The following RPS19 variants were observed in gnomAD, a reference collection of about 807,000 sequenced individuals.
RPS19 encodes the protein ribosomal protein S19.
RPS19 carries 1 observed loss-of-function variant against 20.3 expected under a neutral mutation model. That is an observed-to-expected ratio of 0.05 (90% CI 0.02 to 0.23). The LOEUF is 0.23. Among genes scored for constraint, RPS19 ranks in the 10% least tolerant of loss-of-function variants. The probability of loss-of-function intolerance (pLI) is 1.00; values close to 1 mark genes in which losing one functional copy is unlikely to be tolerated. For missense variants in RPS19, 111 were observed against 192.7 expected (o/e 0.58, Z 2.51); for synonymous variants, 87 against 74.8 (o/e 1.16, Z -0.84).
At chr19:41,860,515 C>T in intron 1 of RPS19, 1 of 528,866 alleles carries the variant, frequency 1.9e-6, no homozygotes, top group Non-Finnish European at 3.4e-6. Flanking sequence ...CGTCCGGAGT[C>T]CCGGGGCTGG....
At chr19:41,867,464 C>T (rs2074102537) in intron 3 of RPS19, among the ~76,000 whole-genome samples, 1 of 151,994 alleles carries the variant, frequency 6.6e-6, no homozygotes, top group African/African-American at 2.4e-5. Context: ...GGTGTGCCAC[C>T]ACACCTGGCT....
At chr19:41,861,075 T>C (rs1399682652) in intron 2 of RPS19, 37 bp from the exon 3 acceptor site, 2 of 1,520,306 alleles carry the variant, frequency 1.3e-6, no homozygotes, top group Non-Finnish European at 9.1e-7. Context: ...TTTGTGGAGA[T>C]GACTGAATCG....
At position 41,871,780 on chromosome 19, in the gene RPS19, T is replaced by C. The variant is rs941699346; in HGVS notation, c.*403T>C. ...GGCTCACTCCCCCACATCCTGTCTT[T>C]GCAATTGTCAGAAAGTGAGAAACGA... is the stretch of plus-strand genomic sequence containing the variant. On this transcript the variant is annotated 3_prime_UTR_variant, in exon 6 of 6. Coordinates refer to ENST00000598742, the MANE Select transcript of RPS19 (RefSeq NM_001022.4). The C allele has an allele frequency of 2.5e-5, 6 of 235,578 alleles. No individual in the cohort carries two copies. The highest frequency in any genetic ancestry group is 5.1e-5 in the Non-Finnish European group (6 of 117,066). 14.6% of individuals were successfully genotyped at this position (235,578 alleles called of 1,614,324 possible).
intron 5 of RPS19, among the ~76,000 whole-genome samples, chr19:41,870,810 C>T (rs2074138942): frequency 7.1e-6 from 1 of 140,772 alleles, no homozygotes; most frequent in Admixed American, 7.4e-5. Context: ...TCTCACATGG[C>T]AGTGGGCGGA....
At chr19:41,868,744 A>C (rs113279104) in intron 3 of RPS19, among the ~76,000 whole-genome samples, 1 of 152,246 alleles carries the variant, frequency 6.6e-6, no homozygotes, top group South Asian at 2.1e-4. Flanking sequence ...CTCCACCCCT[A>C]CATAACCTCA....
intron 4 of RPS19, 84 bp downstream of exon 4, chr19:41,869,298 T>C: frequency 7.7e-7 from 1 of 1,302,740 alleles, no homozygotes; most frequent in Admixed American, 2.0e-5. Flanking sequence ...CTGCATAGTC[T>C]GCCCAGCCCC....
At chr19:41,867,163 C>T (rs1411143848) in intron 3 of RPS19, among the ~76,000 whole-genome samples, 3 of 151,108 alleles carry the variant, frequency 2.0e-5, no homozygotes, top group Non-Finnish European at 4.4e-5. Context: ...ATTATCTGGG[C>T]GTGGTGGCTT....
intron 3 of RPS19, among the ~76,000 whole-genome samples, chr19:41,866,800 A>G (rs998315596): frequency 2.6e-4 from 39 of 148,588 alleles, no homozygotes; most frequent in African/African-American, 9.8e-4. Flanking sequence ...GTGGATTACG[A>G]GGTCAGGAGA....
At chr19:41,867,467 A>G (rs1335823542) in intron 3 of RPS19, among the ~76,000 whole-genome samples, 1 of 151,842 alleles carries the variant, frequency 6.6e-6, no homozygotes, top group African/African-American at 2.4e-5. Context: ...GTGCCACCAC[A>G]CCTGGCTAAT....
At chr19:41,867,075 TG>T (rs1286234299) in intron 3 of RPS19, among the ~76,000 whole-genome samples, 1 of 151,592 alleles carries the variant, frequency 6.6e-6, no homozygotes, top group African/African-American at 2.4e-5. Flanking sequence ...CCCAGCACTT[TG>T]GGAGGCCAAG....
At chr19:41,871,225 T>G in intron 5 of RPS19, 126 bp from the exon 6 acceptor site, 4 of 817,546 alleles carry the variant, frequency 4.9e-6, no homozygotes, top group Non-Finnish European at 6.6e-6. Context: ...GAGAATTAGA[T>G]GAGATAGATG....
intron 3 of RPS19, chr19:41,863,781 T>G (rs1375010878): frequency 2.0e-5 from 3 of 151,242 alleles, no homozygotes; most frequent in Admixed American, 1.3e-4. Context: ...TCACTGGACG[T>G]TCAAGGGATG....
intron 3 of RPS19, among the ~76,000 whole-genome samples, chr19:41,867,002 G>GC (rs1218513272): frequency 6.8e-6 from 1 of 146,882 alleles, no homozygotes; most frequent in African/African-American, 2.5e-5. Flanking sequence ...GGGCGACAGA[G>GC]CGAGAGACTC....
chr19:41,867,085 A>G (rs559266373), intron 3 of RPS19, among the ~76,000 whole-genome samples: 1 of 152,096 alleles, frequency 6.6e-6, no homozygotes, highest in African/African-American at 2.4e-5. Flanking sequence ...TGGGAGGCCA[A>G]GATGGGTGGT....
rs1231334492 is a variant in RPS19 at position 41,860,764 on chromosome 19, TTC to T, written c.1-8_1-7del. 6.2e-7 allele frequency: 1 copy of T among 1,610,446 alleles called. No homozygotes were observed. Among genetic ancestry groups the T allele is most frequent in the African/African-American group, 1.3e-5 (1 of 74,864 alleles). On this transcript the variant is annotated splice_polypyrimidine_tract_variant and intron_variant, in intron 1 of 5. Transcript: ENST00000598742. ...CAGGCCTGTGTTCACATGCTTGACTTTCTCCCTCAGATGCCTGGAGTTACTGT... is the reference window on the plus strand; with the variant it reads ...CAGGCCTGTGTTCACATGCTTGACTTTCCCTCAGATGCCTGGAGTTACTGT...
intron 4 of RPS19, 105 bp from the exon 5 acceptor site, chr19:41,869,594 G>T: frequency 8.0e-7 from 1 of 1,247,134 alleles, no homozygotes; most frequent in African/African-American, 1.5e-5. Flanking sequence ...GGACTTGGCT[G>T]GCGGCAGGTG....
At chr19:41,866,535 G>A (rs953290543) in intron 3 of RPS19, among the ~76,000 whole-genome samples, 9 of 152,294 alleles carry the variant, frequency 5.9e-5, no homozygotes, top group Admixed American at 3.9e-4. Context: ...AGTGGCGTAG[G>A]GGGTAGGGCC....
At position 41,872,464 on chromosome 19, in the gene RPS19, T is replaced by C. The variant is rs934852256; in HGVS notation, c.*1087T>C. 6.6e-6 allele frequency: 1 copy of C among 152,258 alleles called. No individual in the cohort carries two copies. Among genetic ancestry groups the C allele is most frequent in the Non-Finnish European group, 1.5e-5 (1 of 68,058 alleles). The allele number at this position is 152,258 out of a possible 1,614,324, so 9.4% of individuals were successfully genotyped here. On this transcript the variant is annotated 3_prime_UTR_variant, in exon 6 of 6. Coordinates refer to ENST00000598742, the MANE Select transcript of RPS19 (RefSeq NM_001022.4). ...ATCCCACGTAACCCTGTGCACCTTA[T>C]CCTCTGAGCCTTCGTCTCCTCGTGT...
At position 41,869,615 on chromosome 19, in the gene RPS19, AAGCCTGGCTCACAGCC is replaced by A. The variant is rs782656881; in HGVS notation, c.357-81_357-66del. On this transcript the variant is annotated intron_variant, in intron 4 of 5. Coordinates refer to ENST00000598742, the MANE Select transcript of RPS19 (RefSeq NM_001022.4). ...GGCTGGCGGCAGGTGGCTTTTTGAG[AAGCCTGGCTCACAGCC>A]AGGAGGGAAGGGGCTGAGAACAGGA... 11 of 1,482,930 alleles carry A rather than the reference AAGCCTGGCTCACAGCC, an allele frequency of 7.4e-6. No homozygotes were observed. The East Asian group carries it at 2.0e-4, about 28-fold the overall frequency. 91.9% of individuals were successfully genotyped at this position (1,482,930 alleles called of 1,614,324 possible). A position where few individuals can be genotyped will look rare whatever the true frequency, so the allele number is the denominator to read the frequency against.
Sources: allele counts gnomAD v4.1 joint callset (sites outside exome capture counted in the v4.1 genomes callset), GRCh38; gene constraint gnomAD v4.1.1; transcripts MANE v1.5; gene names NCBI Gene and HGNC (gene_info 2026-07-23, HGNC 2026-07-21).